Variants in RBM34 observed in about 807,000 individuals in gnomAD.
RBM34 encodes the protein RNA-binding protein 34.
RBM34 carries 39 observed loss-of-function variants against 44.6 expected under a neutral mutation model. The ratio of observed to expected loss-of-function variants is 0.87; its 90% confidence interval spans 0.68 to 1.14. The LOEUF is 1.14. Ranked by LOEUF, RBM34 falls within the 50% of genes most tolerant of loss-of-function variation. The pLI is 0.00. For missense variants in RBM34, 572 were observed against 517.9 expected, an observed-to-expected ratio of 1.10 and a Z score of -1.01; for synonymous variants, 194 against 184.0, an observed-to-expected ratio of 1.05 and a Z score of -0.44.
intron 6 of RBM34, among the ~76,000 whole-genome samples, chr1:235,141,447 G>A (rs1244353565): frequency 2.0e-5 from 3 of 152,094 alleles, no homozygotes; most frequent in Non-Finnish European, 4.4e-5. Flanking sequence ...ATCTAGCTCA[G>A]GGATTGTAAA....
At chr1:235,150,952 G>A (rs892829409) in intron 5 of RBM34, among the ~76,000 whole-genome samples, 2 of 152,164 alleles carry the variant, frequency 1.3e-5, no homozygotes, top group Non-Finnish European at 2.9e-5. Context: ...GGGATGGGGG[G>A]AAGGGCGTTT....
chr1:235,133,171 T>C lies in RBM34; in HGVS notation c.1009-1174A>G, dbSNP rs550544083. 2.2e-3 allele frequency among the ~76,000 whole-genome samples: 333 copies of C among 151,822 alleles called. 1 individual carries two copies. Among genetic ancestry groups the C allele is most frequent in the Non-Finnish European group, 4.0e-3 (270 of 67,976 alleles). On this transcript the variant is annotated intron_variant, in intron 10 of 10. Coordinates refer to ENST00000408888, the MANE Select transcript of RBM34 (RefSeq NM_015014.4). The stretch of plus-strand genomic sequence containing the variant: ...AGCCTGAGAAACATGGTGAATCCTG[T>C]CTCTACAAAAAAATACAAGAATTAG...
chr1:235,149,859 G>C (rs1662083186), intron 5 of RBM34, among the ~76,000 whole-genome samples: 1 of 152,134 alleles, frequency 6.6e-6, no homozygotes, highest in Non-Finnish European at 1.5e-5. Flanking sequence ...TAACCTGATA[G>C]TTTACATAGT....
chr1:235,148,069 C>A (rs1042347264), intron 6 of RBM34, among the ~76,000 whole-genome samples: 1 of 152,152 alleles, frequency 6.6e-6, no homozygotes, highest in Non-Finnish European at 1.5e-5. Flanking sequence ...AACATGAATT[C>A]TCTCTGGAAA....
chr1:235,140,670 G>C (rs949903161), intron 6 of RBM34, among the ~76,000 whole-genome samples: 1 of 152,268 alleles, frequency 6.6e-6, no homozygotes, highest in East Asian at 1.9e-4. Context: ...AAAGGGCTGG[G>C]GAGTGCAGGC....
intron 4 of RBM34, among the ~76,000 whole-genome samples, chr1:235,153,669 G>T (rs538419098): frequency 6.6e-6 from 1 of 152,066 alleles, no homozygotes; most frequent in African/African-American, 2.4e-5. Flanking sequence ...CAGGGGATCC[G>T]CCCGCCTTGG....
At chr1:235,160,442 T>C (rs1265737322) in intron 3 of RBM34, 69 bp downstream of exon 3, 3 of 1,490,180 alleles carry the variant, frequency 2.0e-6, no homozygotes, top group African/African-American at 2.8e-5. Context: ...AACTGACGAA[T>C]ATTCCAAGTA....
chr1:235,138,080 G>A lies in RBM34; in HGVS notation c.785+11C>T, dbSNP rs768023054. On this transcript the variant is annotated intron_variant, in intron 7 of 10. Transcript: ENST00000408888. ...ACAATTATTCTGTTCAAACCTAAGG[G>A]ATAAAATTACCTTTTCAATGCTTGC... 21 of 1,594,548 alleles carry A rather than the reference G, an allele frequency of 1.3e-5. No homozygotes were observed. The East Asian group carries it at 1.6e-4, about 12-fold the overall frequency.
intron 6 of RBM34, among the ~76,000 whole-genome samples, chr1:235,139,693 A>G (rs2102832273): frequency 6.6e-6 from 1 of 152,350 alleles, no homozygotes; most frequent in South Asian, 2.1e-4. Context: ...AGAAGAAACC[A>G]GATAACCCAC....
chr1:235,156,169 C>T (rs924998561), intron 3 of RBM34, among the ~76,000 whole-genome samples: 9 of 151,126 alleles, frequency 6.0e-5, no homozygotes, highest in Non-Finnish European at 1.2e-4. Context: ...CGCCCAGTCT[C>T]CTTTTATATT....
At position 235,161,075 on chromosome 1, in the gene RBM34, T is replaced by G; in HGVS notation, c.54-8A>C. Reference sequence around the variant, plus strand: ...CCGTCGTCAGGATTCTCTCTAGAAATGGACGACAGAAACTCAGCCACGCCA... The same window carrying G: ...CCGTCGTCAGGATTCTCTCTAGAAAGGGACGACAGAAACTCAGCCACGCCA... On this transcript the variant is annotated splice_polypyrimidine_tract_variant and splice_region_variant and intron_variant, in intron 1 of 10. Transcript: ENST00000408888. The G allele has an allele frequency of 6.2e-7, 1 of 1,610,488 alleles. No individual in the cohort carries two copies. The highest frequency in any genetic ancestry group is 8.5e-7 in the Non-Finnish European group (1 of 1,177,030).
chr1:235,132,079 G>A (rs1661227653), intron 10 of RBM34, 82 bp from the exon 11 acceptor site: 1 of 1,331,708 alleles, frequency 7.5e-7, no homozygotes, highest in Non-Finnish European at 1.0e-6. Context: ...TTTAACAGAT[G>A]AGAACGACTT....
At chr1:235,135,797 A>C (rs887335553) in intron 9 of RBM34, 27 bp from the exon 10 acceptor site, 1 of 1,582,556 alleles carries the variant, frequency 6.3e-7, no homozygotes, top group African/African-American at 1.3e-5. Context: ...TCAAAATGGA[A>C]GTAAAGAGTT....
intron 3 of RBM34, among the ~76,000 whole-genome samples, chr1:235,157,138 C>A (rs1404745973): frequency 2.0e-5 from 3 of 152,104 alleles, no homozygotes; most frequent in African/African-American, 7.2e-5. Flanking sequence ...GATGAGGAGA[C>A]ACTGAAGACT....
chr1:235,141,050 C>A (rs971252621), intron 6 of RBM34, among the ~76,000 whole-genome samples: 1 of 150,172 alleles, frequency 6.7e-6, no homozygotes, highest in Non-Finnish European at 1.5e-5. Context: ...TCTGGTGGGG[C>A]CTTGGACAAC....
At chr1:235,155,968 CACA>C (rs1234820371) in intron 3 of RBM34, among the ~76,000 whole-genome samples, 2 of 145,356 alleles carry the variant, frequency 1.4e-5, no homozygotes, top group Non-Finnish European at 3.0e-5. Context: ...CTCTCTGGTT[CACA>C]ACGATTCTTT....
chr1:235,161,228 C>T lies in RBM34; in HGVS notation c.-2G>A, dbSNP rs1182920321. The T allele has an allele frequency of 6.2e-7, 1 of 1,613,494 alleles. No individual in the cohort carries two copies. The stretch of plus-strand genomic sequence containing the variant: ...TTTGCTCATCCCTTCCAAGGCCATT[C>T]TTACTCCAAAGACTCCCAGACTGCA... On this transcript the variant is annotated 5_prime_UTR_variant, in exon 1 of 11. Coordinates refer to ENST00000408888, the MANE Select transcript of RBM34 (RefSeq NM_015014.4).
Position 235,161,181 on chromosome 1 carries a change from G to A in RBM34, c.46C>T (p.Gln16Ter), listed in dbSNP as rs1199680934. The change falls in exon 1 of 11, where the codon CAG becomes TAG. Residue 16 changes from glutamine (Q) to a stop codon, truncating the protein, a stop_gained. Transcript: ENST00000408888. LOFTEE classifies it high-confidence loss of function. ...GTGCCGCGCGCCACTCACCCCTCCTGGACACTTCTCTTTCTCTTCCGTTTG... is the reference window on the plus strand; with the variant it reads ...GTGCCGCGCGCCACTCACCCCTCCTAGACACTTCTCTTTCTCTTCCGTTTG... ...MSKRKRKRSV[Q>*]EGENPDDGVR... is the part of the protein sequence containing the mutation. The A allele has an allele frequency of 6.2e-7, 1 of 1,606,832 alleles. No individual in the cohort carries two copies. Among genetic ancestry groups the A allele is most frequent in the Non-Finnish European group, 8.5e-7 (1 of 1,175,362 alleles).
At chr1:235,155,816 C>CATATACATATATAT (rs1287953165) in intron 3 of RBM34, among the ~76,000 whole-genome samples, 1 of 72,724 alleles carries the variant, frequency 1.4e-5, no homozygotes, top group Admixed American at 1.4e-4. Flanking sequence ...TTTATACATA[C>CATATACATATATAT]ATATACATAT....
Sources: allele counts gnomAD v4.1 joint callset (sites outside exome capture counted in the v4.1 genomes callset), GRCh38; gene constraint gnomAD v4.1.1; transcripts MANE v1.5; gene names NCBI Gene and HGNC (gene_info 2026-07-23, HGNC 2026-07-21).